SMC3: variants seen among roughly 807,000 people sequenced by gnomAD.
SMC3 encodes structural maintenance of chromosomes protein 3.
In SMC3, 20 loss-of-function variants were observed where a neutral mutation model predicts 171.8. That is an observed-to-expected ratio of 0.12 (90% confidence interval 0.08 to 0.17). The LOEUF is 0.17. Among genes scored for constraint, SMC3 ranks in the 10% least tolerant of loss-of-function variants. The pLI is 1.00. For synonymous variants in SMC3, 464 were observed against 451.1 expected, an observed-to-expected ratio of 1.03 and a Z score of -0.36; for missense variants, 543 against 1,420.4, an observed-to-expected ratio of 0.38 and a Z score of 9.93.
At chr10:110,598,029 G>A (rs1564794734) in intron 19 of SMC3, 110 bp from the exon 20 acceptor site, 6 of 983,674 alleles carry the variant, frequency 6.1e-6, no homozygotes, top group Non-Finnish European at 7.8e-6. Context: ...GGACATAAAT[G>A]TTATTTGGGG....
chr10:110,593,565 CTG>C (rs996299024), intron 18 of SMC3, among the ~76,000 whole-genome samples: 1 of 145,492 alleles, frequency 6.9e-6, no homozygotes, highest in Admixed American at 6.7e-5. Flanking sequence ...GAGCGAGACT[CTG>C]TCTCAAAAAA....
intron 19 of SMC3, 140 bp downstream of exon 19, chr10:110,596,690 T>G: frequency 1.3e-6 from 1 of 779,300 alleles, no homozygotes. Context: ...GTTTAGCTTT[T>G]GAAGACTAAA....
intron 20 of SMC3, among the ~76,000 whole-genome samples, chr10:110,598,832 G>T (rs1861342008): frequency 6.6e-6 from 1 of 152,112 alleles, no homozygotes; most frequent in Non-Finnish European, 1.5e-5. Flanking sequence ...TTGAAGCTGT[G>T]ACATAAGAGT....
rs372452588 is a variant in SMC3, at chr10:110,601,156, G to C, written c.2644+26G>C. The C allele has an allele frequency of 7.3e-6, 11 of 1,502,352 alleles. No homozygotes were observed. In the African/African-American group the frequency reaches 1.5e-4, roughly 21 times the overall value. 93.1% of individuals were successfully genotyped at this position (1,502,352 alleles called of 1,614,324 possible). On this transcript the variant is annotated intron_variant, in intron 23 of 28. Coordinates refer to ENST00000361804, the MANE Select transcript of SMC3 (RefSeq NM_005445.4). ...GTGAATTTTTATGTAGTAAAATTTT[G>C]TTTATATGCATGTTTTATAAAATTG...
rs545243639 is a variant in SMC3, at chr10:110,583,054, C to A, written c.805-330C>A. Among the ~76,000 whole-genome samples, 6 of 151,100 alleles carry A rather than the reference C, an allele frequency of 4.0e-5. No homozygotes were observed. In the East Asian group the frequency reaches 1.2e-3, roughly 30 times the overall value. On this transcript the variant is annotated intron_variant, in intron 10 of 28. Coordinates refer to ENST00000361804, the MANE Select transcript of SMC3 (RefSeq NM_005445.4). ...TCAAGTGATCCTCCCACCTCAGCCT[C>A]CTATTTTTGTTATTTTTTGAAGAGA...
rs756625539 is a variant in SMC3 at position 110,582,081 on chromosome 10, C to T, written c.706C>T (p.Arg236Cys). ...TTACAATCAGGAACTTAACGAGACT[C>T]GTGCCAAACTTGATGAGGTAAAATA... ...TIYNQELNET[R>C]AKLDELSAKR... The change falls in exon 9 of 29, where the codon CGT becomes TGT. Residue 236 changes from arginine to cysteine, a missense_variant. Arg to Cys is a radical substitution (Grantham distance 180). Around this residue, in one of 8 missense-constraint regions of SMC3, gnomAD observed 146 missense variants for 437.9 expected, o/e 0.33. Transcript: ENST00000361804. 6.2e-6 allele frequency: 10 copies of T among 1,613,338 alleles called. No individual in the cohort carries two copies. Among genetic ancestry groups the T allele is most frequent in the East Asian group, 2.2e-5 (1 of 44,814 alleles).
intron 22 of SMC3, 68 bp from the exon 23 acceptor site, chr10:110,600,954 C>T: frequency 9.0e-7 from 1 of 1,117,312 alleles, no homozygotes; most frequent in East Asian, 2.4e-5. Flanking sequence ...TTTATTCAGA[C>T]AATAGCCATA....
intron 1 of SMC3, chr10:110,568,265 C>T (rs3814684): frequency 0.1 from 22,099 of 212,908 alleles, 2,307 homozygotes; most frequent in African/African-American, 0.3. Flanking sequence ...TTCCCCGGCC[C>T]GGGGGCGGCC....
chr10:110,575,836 G>C (rs1860938873), intron 4 of SMC3, among the ~76,000 whole-genome samples: 2 of 152,184 alleles, frequency 1.3e-5, no homozygotes, highest in African/African-American at 2.4e-5. Context: ...ATCTGCAAAG[G>C]CTTAAGAAGC....
chr10:110,568,848 G>A, intron 1 of SMC3, 90 bp from the exon 2 acceptor site: 1 of 777,234 alleles, frequency 1.3e-6, no homozygotes, highest in Non-Finnish European at 2.3e-6. Flanking sequence ...TTTCTATATT[G>A]CATTAAATGA....
chr10:110,603,138 G>T (rs1284994293), intron 27 of SMC3, 46 bp from the exon 28 acceptor site: 5 of 1,546,562 alleles, frequency 3.2e-6, no homozygotes, highest in Non-Finnish European at 4.5e-6. Context: ...TAAATTTTCA[G>T]ATCTGCTGAA....
Position 110,593,200 on chromosome 10 carries a change from C to G in SMC3, c.1940C>G (p.Thr647Ser). The change falls in exon 18 of 29, where the codon ACT becomes AGT. Residue 647 changes from threonine to serine, a missense_variant. This residue lies in a region of SMC3 where 218 missense variants were observed against 509.6 expected (regional missense o/e 0.43). Transcript: ENST00000361804. The part of the protein sequence containing the change: ...EVSTQLARAF[T>S]MDCITLEGDQ... ...TCAACCCAGCTGGCCCGTGCTTTCA[C>G]TATGGACTGTATTACTTTGGAAGGT... The G allele has an allele frequency of 6.2e-7, 1 of 1,614,110 alleles. No homozygotes were observed. The highest frequency in any genetic ancestry group is 8.5e-7 in the Non-Finnish European group (1 of 1,179,966).
intron 21 of SMC3, 34 bp from the exon 22 acceptor site, chr10:110,600,405 C>T (rs773021924): frequency 7.8e-6 from 8 of 1,029,258 alleles, no homozygotes; most frequent in Middle Eastern, 2.1e-4. Context: ...GTGAAATGTA[C>T]ATGCTTATAT....
chr10:110,594,906 A>G (rs1335092239), intron 18 of SMC3, among the ~76,000 whole-genome samples: 1 of 152,138 alleles, frequency 6.6e-6, no homozygotes, highest in Admixed American at 6.5e-5. Context: ...TATCCTCTAA[A>G]AAGTATCCAT....
At chr10:110,590,347 C>T (rs1398358199) in intron 15 of SMC3, 65 bp from the exon 16 acceptor site, 3 of 1,346,402 alleles carry the variant, frequency 2.2e-6, no homozygotes, top group Non-Finnish European at 2.1e-6. Context: ...GTTGTGGGCT[C>T]ATTCCTTACC....
Position 110,584,204 on chromosome 10 carries a change from A to G in SMC3, c.1113A>G (p.Glu371=), listed in dbSNP as rs898081345. The G allele has an allele frequency of 3.2e-5, 52 of 1,611,816 alleles. No homozygotes were observed. Among genetic ancestry groups the G allele is most frequent in the Non-Finnish European group, 4.1e-5 (48 of 1,179,152 alleles). The stretch of plus-strand genomic sequence containing the variant: ...GTAGATTGGCTCAAGCTACCCAGGA[A>G]AGAACGGATCTTTATGCAAAGCAGG... ...GIARLAQATQ[E]RTDLYAKQGR... The change falls in exon 13 of 29, where the codon GAA becomes GAG. Residue 371 remains glutamate, a synonymous_variant. Coordinates refer to ENST00000361804, the MANE Select transcript of SMC3 (RefSeq NM_005445.4).
Position 110,602,174 on chromosome 10 carries a change from A to G in SMC3, c.3101A>G (p.Lys1034Arg), listed in dbSNP as rs1278347837. Residue 1034 changes from lysine (K) to arginine (R), a missense_variant, in exon 25 of 29, where the codon AAA (lysine) becomes AGA (arginine). Coordinates refer to ENST00000361804, the MANE Select transcript of SMC3 (RefSeq NM_005445.4). ...TATGAAGCTATTCAGTTAACTTTCA[A>G]ACAGGTATGTTTCGCTTTGTAGTTA... ...RKYEAIQLTF[K>R]QVSKNFSEVF... 1 of 1,612,236 alleles carries G rather than the reference A, an allele frequency of 6.2e-7. No homozygotes were observed. Among genetic ancestry groups the G allele is most frequent in the African/African-American group, 1.3e-5 (1 of 74,890 alleles).
rs767261005 is a variant in SMC3, at chr10:110,604,347, T to C, written c.*45T>C. On this transcript the variant is annotated 3_prime_UTR_variant, in exon 29 of 29. Transcript: ENST00000361804. ...GGTTTGGGAGATGTATATAGTAATA[T>C]GATTCTCATACCCAGGAACTGTAAA... 6 of 1,335,920 alleles carry C rather than the reference T, an allele frequency of 4.5e-6. No individual in the cohort carries two copies. The highest frequency in any genetic ancestry group is 2.3e-5 in the East Asian group (1 of 43,380). The allele number at this position is 1,335,920 out of a possible 1,614,324, so 82.8% of individuals were successfully genotyped here. A position where few individuals can be genotyped will look rare whatever the true frequency, so the allele number is the denominator to read the frequency against.
chr10:110,594,863 T>C (rs1201697227), intron 18 of SMC3, among the ~76,000 whole-genome samples: 2 of 152,176 alleles, frequency 1.3e-5, no homozygotes, highest in Non-Finnish European at 2.9e-5. Flanking sequence ...CACAGTATCA[T>C]TGTTACACCT....
Sources: allele counts gnomAD v4.1 joint callset (sites outside exome capture counted in the v4.1 genomes callset), GRCh38; gene constraint gnomAD v4.1.1; regional missense constraint gnomAD v4.1.1; transcripts MANE v1.5; gene names NCBI Gene and HGNC (gene_info 2026-07-23, HGNC 2026-07-21).